Variants in PCDH9 observed in about 807,000 individuals in gnomAD.
PCDH9 encodes protocadherin-9.
A neutral mutation model predicts 70.6 loss-of-function variants in PCDH9; 24 were observed. The observed-to-expected ratio is 0.34, with a 90% CI of 0.25 to 0.48. The LOEUF is 0.48. PCDH9 is among the 20% of genes least tolerant of loss of function. The probability of loss-of-function intolerance (pLI) is 0.99; values close to 1 mark genes in which losing one functional copy is unlikely to be tolerated. For synonymous variants in PCDH9, 562 were observed against 558.5 expected (o/e 1.01, Z -0.09); for missense variants, 1,281 against 1,503.6 (o/e 0.85, Z 2.45).
At chr13:66,921,755 T>C (rs891830014) in intron 2 of PCDH9, among the ~76,000 whole-genome samples, 3 of 151,356 alleles carry the variant, frequency 2.0e-5, no homozygotes, top group African/African-American at 7.3e-5. Flanking sequence ...GGAATTGTTA[T>C]CTGACTGCTT....
At chr13:66,347,076 G>A (rs1301736381) in intron 4 of PCDH9, among the ~76,000 whole-genome samples, 1 of 152,098 alleles carries the variant, frequency 6.6e-6, no homozygotes, top group Non-Finnish European at 1.5e-5. Flanking sequence ...CAAGTACTAT[G>A]TATTACAATT....
intron 3 of PCDH9, among the ~76,000 whole-genome samples, chr13:66,828,810 AAATAAT>A (rs61269805): frequency 0.026 from 3,807 of 148,652 alleles, 159 homozygotes; most frequent in African/African-American, 0.087. Flanking sequence ...GCCATACATA[AAATAAT>A]AATAATAATA....
At chr13:66,438,244 A>C (rs1265610825) in intron 4 of PCDH9, among the ~76,000 whole-genome samples, 2 of 152,106 alleles carry the variant, frequency 1.3e-5, no homozygotes, top group East Asian at 3.9e-4. Flanking sequence ...AAAAAAAAAA[A>C]AAAGTACTTA....
chr13:67,062,992 T>C (rs2085568796), intron 2 of PCDH9, among the ~76,000 whole-genome samples: 1 of 152,158 alleles, frequency 6.6e-6, no homozygotes, highest in South Asian at 2.1e-4. Flanking sequence ...TAGTACTCTA[T>C]ATTTACTTAA....
intron 4 of PCDH9, among the ~76,000 whole-genome samples, chr13:66,327,052 C>T (rs906899116): frequency 6.6e-6 from 1 of 151,722 alleles, no homozygotes; most frequent in Non-Finnish European, 1.5e-5. Context: ...TTTCTTAATA[C>T]AATTATCTTT....
chr13:66,399,852 C>T (rs1430119831), intron 4 of PCDH9, among the ~76,000 whole-genome samples: 1 of 151,902 alleles, frequency 6.6e-6, no homozygotes, highest in Admixed American at 6.6e-5. Context: ...ATAAACAAAA[C>T]CCACCAAATA....
In PCDH9 at chr13:67,216,739, T is replaced by G. The variant is rs114828315; in HGVS notation, c.3036+8666A>C. On this transcript the variant is annotated intron_variant, in intron 2 of 4. Coordinates refer to ENST00000377865, the MANE Select transcript of PCDH9 (RefSeq NM_203487.3). ...ATATACGGAAAAGATTATGCAGAAATAATATTACATCACTTTAAAATCCAT... is the reference window on the plus strand; with the variant it reads ...ATATACGGAAAAGATTATGCAGAAAGAATATTACATCACTTTAAAATCCAT... 1,095 of 134,404 alleles carry G rather than the reference T, an allele frequency of 8.1e-3. 27 individuals are homozygous for G. Among genetic ancestry groups the G allele is most frequent in the African/African-American group, 0.028 (1,039 of 37,224 alleles). The allele number at this position is 134,404 out of a possible 1,614,324, so 8.3% of individuals were successfully genotyped here.
At chr13:66,313,706 C>T (rs548373280) in intron 4 of PCDH9, among the ~76,000 whole-genome samples, 18 of 152,212 alleles carry the variant, frequency 1.2e-4, no homozygotes, top group African/African-American at 4.1e-4. Flanking sequence ...TGCCTGTGGT[C>T]TCTGACAATT....
At chr13:67,199,329 C>CT (rs2089153099) in intron 2 of PCDH9, among the ~76,000 whole-genome samples, 2 of 151,340 alleles carry the variant, frequency 1.3e-5, no homozygotes. Flanking sequence ...TAAAAATATG[C>CT]TGTTTAAAGG....
intron 4 of PCDH9, among the ~76,000 whole-genome samples, chr13:66,556,775 T>A (rs1163876706): frequency 6.6e-6 from 1 of 152,146 alleles, no homozygotes; most frequent in Non-Finnish European, 1.5e-5. Context: ...CTATAGCTGT[T>A]TGGTAGAAAG....
chr13:67,161,969 G>A (rs1463160383), intron 2 of PCDH9, among the ~76,000 whole-genome samples: 2 of 152,150 alleles, frequency 1.3e-5, no homozygotes, highest in Admixed American at 6.6e-5. Flanking sequence ...AATTGGAGAA[G>A]GCCAAAACTT....
At chr13:66,398,770 T>C (rs542637930) in intron 4 of PCDH9, among the ~76,000 whole-genome samples, 241 of 152,326 alleles carry the variant, frequency 1.6e-3, no homozygotes, top group African/African-American at 5.5e-3. Flanking sequence ...AGTATGATTT[T>C]CATCTACTGA....
chr13:66,791,498 A>T (rs867466646), intron 3 of PCDH9, among the ~76,000 whole-genome samples: 3 of 152,098 alleles, frequency 2.0e-5, no homozygotes, highest in Non-Finnish European at 2.9e-5. Flanking sequence ...TGCAAAAGTA[A>T]TTGCAGTTTT....
At chr13:66,595,603 C>A (rs2077093403) in intron 4 of PCDH9, among the ~76,000 whole-genome samples, 1 of 151,556 alleles carries the variant, frequency 6.6e-6, no homozygotes. Context: ...AAGAGGATTT[C>A]TGATTTGTTA....
intron 4 of PCDH9, among the ~76,000 whole-genome samples, chr13:66,462,333 T>A (rs1958439145): frequency 6.6e-6 from 1 of 151,824 alleles, no homozygotes; most frequent in Non-Finnish European, 1.5e-5. Flanking sequence ...AGCTTAAACC[T>A]TTATGGTTTG....
At chr13:66,395,698 G>T (rs1310437874) in intron 4 of PCDH9, among the ~76,000 whole-genome samples, 1 of 152,080 alleles carries the variant, frequency 6.6e-6, no homozygotes, top group Non-Finnish European at 1.5e-5. Context: ...ACAATATTTT[G>T]TGTCAGCAAA....
intron 4 of PCDH9, among the ~76,000 whole-genome samples, chr13:66,520,830 C>T (rs1369790704): frequency 6.6e-6 from 1 of 152,122 alleles, no homozygotes; most frequent in Non-Finnish European, 1.5e-5. Flanking sequence ...TCTGTGACAT[C>T]AGGAAACCCT....
In PCDH9 at chr13:67,044,445, C is replaced by A. The variant is rs182618267; in HGVS notation, c.3037-140840G>T. ...ATCCTTAGCGCTTCTCAAAAGTATT[C>A]ATTGCATTTCCTACACATATGAAAG... On this transcript the variant is annotated intron_variant, in intron 2 of 4. Coordinates refer to ENST00000377865, the MANE Select transcript of PCDH9 (RefSeq NM_203487.3). Among the ~76,000 whole-genome samples, 13 of 152,230 alleles carry A rather than the reference C, an allele frequency of 8.5e-5. 1 individual carries two copies. In the East Asian group the frequency reaches 2.3e-3, roughly 27 times the overall value.
chr13:66,769,713 C>T (rs1260336447), intron 3 of PCDH9, among the ~76,000 whole-genome samples: 1 of 152,072 alleles, frequency 6.6e-6, no homozygotes, highest in Non-Finnish European at 1.5e-5. Flanking sequence ...TTGCAACAAA[C>T]ACTGGCTTTC....
Sources: gnomAD v4.1 joint callset for allele counts (sites outside exome capture counted in the v4.1 genomes callset) on GRCh38, gnomAD v4.1.1 for gene constraint, MANE v1.5 for transcripts, NCBI Gene and HGNC (gene_info 2026-07-23, HGNC 2026-07-21) for gene names.